The following LEKR1 variants were observed in gnomAD, a reference collection of about 807,000 sequenced individuals.
LEKR1 encodes the protein protein LEKR1.
A neutral mutation model predicts 72.4 loss-of-function variants in LEKR1; 59 were observed. The observed-to-expected ratio is 0.82, with a 90% CI of 0.66 to 1.01. The LOEUF (loss-of-function observed/expected upper bound fraction) is 1.01. Among genes scored for constraint, LEKR1 ranks in the 50% least tolerant of loss-of-function variants. The pLI, the probability that LEKR1 is intolerant of heterozygous loss-of-function variation, is 0.00. For synonymous variants in LEKR1, 257 were observed against 263.2 expected, an observed-to-expected ratio of 0.98 and a Z score of 0.23; for missense variants, 728 against 759.2, an observed-to-expected ratio of 0.96 and a Z score of 0.48.
chr3:157,022,303 T>TA (rs1733900337), intron 10 of LEKR1, among the ~76,000 whole-genome samples: 1 of 152,104 alleles, frequency 6.6e-6, no homozygotes, highest in African/African-American at 2.4e-5. Flanking sequence ...GAAGAAGGAA[T>TA]AAAAAAATCT....
chr3:157,044,580 T>C (rs937879602), intron 12 of LEKR1, among the ~76,000 whole-genome samples: 6 of 152,208 alleles, frequency 3.9e-5, no homozygotes, highest in Admixed American at 1.3e-4. Context: ...AGTTTTCACC[T>C]TGGGTCTAGA....
At chr3:156,877,605 A>G (rs759526146) in intron 3 of LEKR1, among the ~76,000 whole-genome samples, 2 of 150,802 alleles carry the variant, frequency 1.3e-5, no homozygotes, top group Non-Finnish European at 3.0e-5. Context: ...TTGTGTGTAT[A>G]AAAGTGTTCA....
intron 3 of LEKR1, among the ~76,000 whole-genome samples, chr3:156,861,645 C>T (rs141960530): frequency 1.7e-4 from 26 of 152,106 alleles, no homozygotes; most frequent in Non-Finnish European, 3.2e-4. Flanking sequence ...TGTGGAAAAA[C>T]ATTCATTTTC....
intron 3 of LEKR1, among the ~76,000 whole-genome samples, chr3:156,872,154 T>C (rs1486546634): frequency 6.6e-6 from 1 of 152,052 alleles, no homozygotes; most frequent in Non-Finnish European, 1.5e-5. Context: ...TTCCATTTCT[T>C]CCTAATTCAA....
At chr3:156,834,428 A>G (rs555142602) in intron 2 of LEKR1, among the ~76,000 whole-genome samples, 1 of 152,152 alleles carries the variant, frequency 6.6e-6, no homozygotes, top group Non-Finnish European at 1.5e-5. Context: ...AAAATCTCCA[A>G]ACTCAACGTG....
chr3:157,019,094 A>G (rs1416055919), intron 10 of LEKR1, among the ~76,000 whole-genome samples: 1 of 152,214 alleles, frequency 6.6e-6, no homozygotes. Context: ...AAATAGTACA[A>G]TAATTTATTT....
At chr3:157,026,362 A>T (rs1028227985) in intron 11 of LEKR1, among the ~76,000 whole-genome samples, 1 of 152,174 alleles carries the variant, frequency 6.6e-6, no homozygotes, top group Non-Finnish European at 1.5e-5. Context: ...AAGAGAAGTC[A>T]TAAATCCTGA....
At chr3:157,044,563 T>C (rs905028196) in intron 12 of LEKR1, among the ~76,000 whole-genome samples, 4 of 152,208 alleles carry the variant, frequency 2.6e-5, no homozygotes, top group Admixed American at 1.3e-4. Context: ...CTTATTTTAA[T>C]CCCCACAGTT....
At chr3:156,897,172 C>A (rs778340038) in intron 3 of LEKR1, among the ~76,000 whole-genome samples, 18 of 152,192 alleles carry the variant, frequency 1.2e-4, no homozygotes, top group Admixed American at 5.9e-4. Context: ...ATATAACAAA[C>A]CTGTATATGT....
chr3:156,946,433 T>C (rs1726683356), intron 6 of LEKR1, among the ~76,000 whole-genome samples: 1 of 151,624 alleles, frequency 6.6e-6, no homozygotes, highest in Non-Finnish European at 1.5e-5. Context: ...GCCTTTTATT[T>C]CCTTATCTTG....
At chr3:156,914,207 A>G (rs1723377702) in intron 3 of LEKR1, among the ~76,000 whole-genome samples, 1 of 152,202 alleles carries the variant, frequency 6.6e-6, no homozygotes, top group Non-Finnish European at 1.5e-5. Flanking sequence ...ATACATGTGC[A>G]GAACGTGCAG....
At chr3:156,912,515 A>G (rs1723210916) in intron 3 of LEKR1, among the ~76,000 whole-genome samples, 1 of 152,112 alleles carries the variant, frequency 6.6e-6, no homozygotes, top group African/African-American at 2.4e-5. Context: ...TATGCTCAGA[A>G]CTCAAAACTG....
At chr3:156,921,598 C>T (rs1037639950) in intron 4 of LEKR1, among the ~76,000 whole-genome samples, 1 of 152,146 alleles carries the variant, frequency 6.6e-6, no homozygotes, top group Non-Finnish European at 1.5e-5. Context: ...TTGATCCTTT[C>T]CTAGAAATCT....
At chr3:156,835,038 A>G (rs1712922587) in intron 2 of LEKR1, among the ~76,000 whole-genome samples, 1 of 152,196 alleles carries the variant, frequency 6.6e-6, no homozygotes, top group Non-Finnish European at 1.5e-5. Context: ...ATGGAAGGAA[A>G]TGGATCTGGT....
intron 9 of LEKR1, among the ~76,000 whole-genome samples, chr3:157,008,146 C>T (rs948887934): frequency 6.6e-6 from 1 of 152,196 alleles, no homozygotes; most frequent in Non-Finnish European, 1.5e-5. Flanking sequence ...CTGCCTCACA[C>T]GTTAATAGAT....
At chr3:156,832,781 T>C (rs1379833342) in intron 2 of LEKR1, among the ~76,000 whole-genome samples, 1 of 152,152 alleles carries the variant, frequency 6.6e-6, no homozygotes, top group Admixed American at 6.5e-5. Flanking sequence ...ATGAGACCAG[T>C]ATTTCCAAGG....
At chr3:156,932,164 G>A (rs1315919617) in intron 5 of LEKR1, among the ~76,000 whole-genome samples, 4 of 152,028 alleles carry the variant, frequency 2.6e-5, no homozygotes, top group Non-Finnish European at 5.9e-5. Flanking sequence ...AATATTAATT[G>A]TAGAATCTAA....
At chr3:156,981,906 G>A (rs187239105) in intron 7 of LEKR1, among the ~76,000 whole-genome samples, 4 of 152,282 alleles carry the variant, frequency 2.6e-5, no homozygotes, top group Non-Finnish European at 5.9e-5. Flanking sequence ...ATGAAATCAG[G>A]TTTCTTCCAT....
intron 7 of LEKR1, among the ~76,000 whole-genome samples, chr3:156,983,196 C>T (rs547131403): frequency 1.0e-3 from 155 of 152,126 alleles, no homozygotes; most frequent in African/African-American, 3.6e-3. Context: ...AAAGGTAATA[C>T]ATAGAAAGGA....
Sources: gnomAD v4.1 joint callset for allele counts (sites outside exome capture counted in the v4.1 genomes callset) on GRCh38, gnomAD v4.1.1 for gene constraint, MANE v1.5 for transcripts, NCBI Gene and HGNC (gene_info 2026-07-23, HGNC 2026-07-21) for gene names.